The following ADAMTS2 variants were observed in gnomAD, a reference collection of about 807,000 sequenced individuals.
ADAMTS2 encodes the protein A disintegrin and metalloproteinase with thrombospondin motifs 2.
Under a neutral mutation model 123.0 loss-of-function variants are expected in ADAMTS2, and 50 were observed. That is an observed-to-expected ratio of 0.41 (90% CI 0.32 to 0.51). ADAMTS2 has a LOEUF of 0.51. ADAMTS2 is among the 20% of genes least tolerant of loss of function. The pLI, the probability that ADAMTS2 is intolerant of heterozygous loss-of-function variation, is 0.35. For missense variants in ADAMTS2, 1,494 were observed against 1,705.2 expected (o/e 0.88, Z 2.18); for synonymous variants, 678 against 695.4 (o/e 0.98, Z 0.39).
intron 4 of ADAMTS2, among the ~76,000 whole-genome samples, chr5:179,201,266 G>A (rs1764557477): frequency 1.3e-5 from 2 of 152,332 alleles, no homozygotes; most frequent in Admixed American, 6.5e-5. Flanking sequence ...GTAAGCACGA[G>A]CGATAGATTC....
In ADAMTS2 at chr5:179,137,947, G is replaced by T; in HGVS notation, c.1776-3C>A. On this transcript the variant is annotated splice_polypyrimidine_tract_variant and splice_region_variant and intron_variant, in intron 11 of 21. Coordinates refer to ENST00000251582, the MANE Select transcript of ADAMTS2 (RefSeq NM_014244.5). ...AGGTGCGGCCCCCGTTGGCCGGGCT[G>T]GAGGAGAAAGCAAAGGCCTTGCCGC... is the stretch of plus-strand genomic sequence containing the variant. The T allele has an allele frequency of 6.5e-7, 1 of 1,544,522 alleles. No homozygotes were observed.
chr5:179,158,888 G>T lies in ADAMTS2; in HGVS notation c.976-9C>A. On this transcript the variant is annotated splice_polypyrimidine_tract_variant and intron_variant, in intron 5 of 21. Coordinates refer to ENST00000251582, the MANE Select transcript of ADAMTS2 (RefSeq NM_014244.5). This position sits in a 1 kb window ranked among gnomAD's most constrained non-coding sequence, Gnocchi z 5.0. Reference sequence around the variant, plus strand: ...TCGATGAGGCTCATGGACTGCAGGGGGATGGAGAGAAATGGAAGAGAGAGG... The same window carrying T: ...TCGATGAGGCTCATGGACTGCAGGGTGATGGAGAGAAATGGAAGAGAGAGG... The T allele has an allele frequency of 6.2e-7, 1 of 1,613,774 alleles. No individual in the cohort carries two copies. The highest frequency in any genetic ancestry group is 8.5e-7 in the Non-Finnish European group (1 of 1,179,922).
intron 3 of ADAMTS2, among the ~76,000 whole-genome samples, chr5:179,269,520 C>T (rs1235564000): frequency 2.0e-5 from 3 of 152,146 alleles, no homozygotes; most frequent in African/African-American, 7.2e-5. Context: ...GTGAGACCCA[C>T]TCACCATCAT....
At chr5:179,187,112 G>A (rs982241761) in intron 4 of ADAMTS2, among the ~76,000 whole-genome samples, 1 of 152,002 alleles carries the variant, frequency 6.6e-6, no homozygotes, top group East Asian at 1.9e-4. Flanking sequence ...CCTGTGCTTT[G>A]GTTCAGGCCT....
chr5:179,311,221 C>T (rs948898070), intron 2 of ADAMTS2, among the ~76,000 whole-genome samples: 35 of 152,340 alleles, frequency 2.3e-4, no homozygotes, highest in African/African-American at 7.5e-4. Flanking sequence ...TCCCCCAGGG[C>T]CTGGCGCTCC....
At chr5:179,328,328 G>A (rs912855581) in intron 2 of ADAMTS2, among the ~76,000 whole-genome samples, 82 of 152,220 alleles carry the variant, frequency 5.4e-4, no homozygotes, top group East Asian at 3.8e-4. Context: ...CACCGCACCC[G>A]GCAAGAGATT....
intron 3 of ADAMTS2, among the ~76,000 whole-genome samples, chr5:179,258,058 C>T (rs1438720551): frequency 6.6e-6 from 1 of 152,150 alleles, no homozygotes; most frequent in Non-Finnish European, 1.5e-5. Context: ...TCAGCGAACG[C>T]CTGACCCCCA....
chr5:179,341,951 T>A (rs1050784345), intron 2 of ADAMTS2, among the ~76,000 whole-genome samples: 6 of 152,174 alleles, frequency 3.9e-5, no homozygotes, highest in Admixed American at 1.3e-4. Context: ...CCAACCTGCG[T>A]CTTTTCCAGC....
At chr5:179,315,147 C>T (rs1417302902) in intron 2 of ADAMTS2, among the ~76,000 whole-genome samples, 2 of 150,454 alleles carry the variant, frequency 1.3e-5, no homozygotes, top group Non-Finnish European at 3.0e-5. Flanking sequence ...GTCCCTGCCT[C>T]AGACCCTCCC....
intron 3 of ADAMTS2, among the ~76,000 whole-genome samples, chr5:179,241,115 A>C (rs1211824367): frequency 3.3e-5 from 5 of 152,230 alleles, no homozygotes; most frequent in Admixed American, 3.3e-4. Flanking sequence ...AATATGCTGG[A>C]GAACAATGAT....
At position 179,136,050 on chromosome 5, in the gene ADAMTS2, G is replaced by A. The variant is rs755716463; in HGVS notation, c.1952-8C>T. On this transcript the variant is annotated splice_polypyrimidine_tract_variant and splice_region_variant and intron_variant, in intron 12 of 21. Coordinates refer to ENST00000251582, the MANE Select transcript of ADAMTS2 (RefSeq NM_014244.5). Reference sequence around the variant, plus strand: ...GGTGGCATCTCTCCTTGGCTGGAAGGGAAGCAGCTGGGGGTCTGCAAGGAG... The same window carrying A: ...GGTGGCATCTCTCCTTGGCTGGAAGAGAAGCAGCTGGGGGTCTGCAAGGAG... 1 of 1,613,176 alleles carries A rather than the reference G, an allele frequency of 6.2e-7. No homozygotes were observed. Among genetic ancestry groups the A allele is most frequent in the Non-Finnish European group, 8.5e-7 (1 of 1,180,008 alleles).
At position 179,189,494 on chromosome 5, in the gene ADAMTS2, C is replaced by T. The variant is rs1764250620; in HGVS notation, c.892-8339G>A. On this transcript the variant is annotated intron_variant, in intron 4 of 21. Coordinates refer to ENST00000251582, the MANE Select transcript of ADAMTS2 (RefSeq NM_014244.5). The surrounding 1 kb of genome is among the most constrained non-coding windows in gnomAD (Gnocchi z 4.2). ...TCCCGAGTAGCTGGGGCTACAGGCGCCCGCCAGTGCGCCTGGTTTTTTTTT... is the reference window on the plus strand; with the variant it reads ...TCCCGAGTAGCTGGGGCTACAGGCGTCCGCCAGTGCGCCTGGTTTTTTTTT... Among the ~76,000 whole-genome samples the T allele has an allele frequency of 6.8e-6, 1 of 148,132 alleles. No individual in the cohort carries two copies. The highest frequency in any genetic ancestry group is 1.5e-5 in the Non-Finnish European group (1 of 67,304).
intron 3 of ADAMTS2, among the ~76,000 whole-genome samples, chr5:179,209,295 C>T (rs1176147773): frequency 6.6e-6 from 1 of 152,358 alleles, no homozygotes; most frequent in South Asian, 2.1e-4. Flanking sequence ...TGCAGCCTGG[C>T]TCAGACAAGA....
chr5:179,315,238 CTGGCTTCTGGAAAGCACTGAGGCCACAGT>C (rs773847889), intron 2 of ADAMTS2, among the ~76,000 whole-genome samples: 48 of 47,004 alleles, frequency 1.0e-3, no homozygotes, highest in African/African-American at 2.6e-3. Context: ...ATTAAATACC[CTGGCTTCTGGAAAGCACTGAGGCCACAGT>C]TGGCTTCTGG....
chr5:179,267,183 G>A (rs1003077912), intron 3 of ADAMTS2, among the ~76,000 whole-genome samples: 6 of 152,090 alleles, frequency 3.9e-5, no homozygotes, highest in Admixed American at 3.9e-4. Flanking sequence ...CCCAACTCAA[G>A]GCAAAGTCAC....
In ADAMTS2 at chr5:179,285,376, G is replaced by A. The variant is rs367748836; in HGVS notation, c.535-12312C>T. Among the ~76,000 whole-genome samples the A allele has an allele frequency of 2.0e-5, 3 of 151,878 alleles. No homozygotes were observed. The highest frequency in any genetic ancestry group is 2.0e-4 in the Admixed American group (3 of 15,276). ...AGAATGCCTCACGGGGCCAGCGCAGGGGCCAGCCAGGCGGCCTTCTGCTAA... is the reference window on the plus strand; with the variant it reads ...AGAATGCCTCACGGGGCCAGCGCAGAGGCCAGCCAGGCGGCCTTCTGCTAA... On this transcript the variant is annotated intron_variant, in intron 2 of 21. Transcript: ENST00000251582. The surrounding 1 kb of genome is among the most constrained non-coding windows in gnomAD (Gnocchi z 4.9).
rs941921166 is a variant in ADAMTS2 at position 179,115,436 on chromosome 5, G to A, written c.3179-1112C>T. On this transcript the variant is annotated intron_variant, in intron 21 of 21. Transcript: ENST00000251582. This position sits in a 1 kb window ranked among gnomAD's most constrained non-coding sequence, Gnocchi z 4.4. Reference sequence around the variant, plus strand: ...AGATACTTGATCCAGTATAAATTCCGAATCACTGACCTCCGTGAGCCCAAC... The same window carrying A: ...AGATACTTGATCCAGTATAAATTCCAAATCACTGACCTCCGTGAGCCCAAC... Among the ~76,000 whole-genome samples the A allele has an allele frequency of 2.0e-5, 3 of 152,218 alleles. No individual in the cohort carries two copies. The highest frequency in any genetic ancestry group is 2.9e-5 in the Non-Finnish European group (2 of 68,018).
chr5:179,178,029 G>A (rs1419498439), intron 5 of ADAMTS2, among the ~76,000 whole-genome samples: 1 of 152,134 alleles, frequency 6.6e-6, no homozygotes, highest in Non-Finnish European at 1.5e-5. Flanking sequence ...CCAATCAATG[G>A]GATAATCTTT....
chr5:179,299,352 A>AC (rs1239332684), intron 2 of ADAMTS2, among the ~76,000 whole-genome samples: 8 of 7,788 alleles, frequency 1.0e-3, no homozygotes, highest in Non-Finnish European at 3.7e-3. Context: ...ACACGGTGAA[A>AC]TCCTGTCTCT....
Sources: allele counts gnomAD v4.1 joint callset (sites outside exome capture counted in the v4.1 genomes callset), GRCh38; gene constraint gnomAD v4.1.1; non-coding constraint Gnocchi (gnomAD v3.1); transcripts MANE v1.5; gene names NCBI Gene and HGNC (gene_info 2026-07-23, HGNC 2026-07-21).